CYP2A7: variants seen among roughly 807,000 people sequenced by gnomAD.
CYP2A7 encodes cytochrome P450 2A7.
A neutral mutation model predicts 42.0 loss-of-function variants in CYP2A7; 36 were observed. The ratio of observed to expected loss-of-function variants is 0.86; its 90% CI spans 0.66 to 1.13. The LOEUF (loss-of-function observed/expected upper bound fraction) is 1.13, where lower values mean the gene tolerates loss of function less well. Among genes scored for constraint, CYP2A7 ranks in the 50% most tolerant of loss-of-function variants. The pLI, the probability that CYP2A7 is intolerant of heterozygous loss-of-function variation, is 0.00. For missense variants in CYP2A7, 661 were observed against 634.1 expected, an observed-to-expected ratio of 1.04 and a Z score of -0.46; for synonymous variants, 260 against 249.5, an observed-to-expected ratio of 1.04 and a Z score of -0.40.
rs1435725612 is a variant in CYP2A7, at chr19:40,877,093, G to A, written c.1161+97C>T. 3 of 1,378,050 alleles carry A rather than the reference G, an allele frequency of 2.2e-6. 1 individual carries two copies. The highest frequency in any genetic ancestry group is 3.1e-6 in the Non-Finnish European group (3 of 979,944). The allele number at this position is 1,378,050 out of a possible 1,614,324, so 85.4% of individuals were successfully genotyped here. A position where few individuals can be genotyped will look rare whatever the true frequency, so the allele number is the denominator to read the frequency against. ...GTCCTTTTTGACTGATTGAGGGAGT[G>A]GGACAGTGAGTAGAAAGCTTCTAAT... On this transcript the variant is annotated intron_variant, in intron 7 of 8. Transcript: ENST00000301146.
At chr19:40,879,000 A>G in intron 4 of CYP2A7, 64 bp from the exon 5 acceptor site, 1 of 1,543,346 alleles carries the variant, frequency 6.5e-7, no homozygotes, top group South Asian at 1.2e-5. Flanking sequence ...GCTGATGGGA[A>G]TGGGATTTGT....
At chr19:40,879,124 A>T (rs1967601678) in intron 4 of CYP2A7, among the ~76,000 whole-genome samples, 188 bp from the exon 5 acceptor site, 1 of 151,938 alleles carries the variant, frequency 6.6e-6, no homozygotes, top group African/African-American at 2.4e-5. Flanking sequence ...TACCAGGGCC[A>T]CGGTCTAGTA....
rs368214531 is a variant in CYP2A7, at chr19:40,876,528, G to A, written c.1302C>T (p.Ile434=). The change falls in exon 8 of 9, where the codon ATC becomes ATT. Residue 434 remains isoleucine (I), a splice_region_variant and synonymous_variant. Coordinates refer to ENST00000301146, the MANE Select transcript of CYP2A7 (RefSeq NM_000764.3). The stretch of plus-strand genomic sequence containing the variant: ...TGGCAGCAAACAGTGGTCTCTTACC[G>A]ATGGAAAAGGGCACAAAAGCATCAC... The part of the protein sequence containing the change: ...KKSDAFVPFS[I]GKRNCFGEGL... 18 of 1,612,770 alleles carry A rather than the reference G, an allele frequency of 1.1e-5. 1 individual carries two copies. The highest frequency in any genetic ancestry group is 2.2e-5 in the South Asian group (2 of 91,012).
In CYP2A7 at chr19:40,876,642, G is replaced by C; in HGVS notation, c.1188C>G (p.Gly396=). ...PKGTEVFPML[G]SVLRDPSFFS... is the part of the protein sequence containing the mutation. ...AGAAGCTGGGGTCTCTCAGCACGGA[G>C]CCCAGCATAGGGAACACTTCGGTGC... The change falls in exon 8 of 9, where the codon GGC becomes GGG. Residue 396 remains glycine (G), a synonymous_variant. Transcript: ENST00000301146. 6.2e-7 allele frequency: 1 copy of C among 1,612,856 alleles called. No individual in the cohort carries two copies. The highest frequency in any genetic ancestry group is 2.2e-5 in the East Asian group (1 of 44,872).
chr19:40,882,026 G>A lies in CYP2A7; in HGVS notation c.180+5C>T, dbSNP rs757202911. ...TGTGCCACCCATCTTCCTGCCTTGG[G>A]ACACCTTCATGATGGAGTCACATAT... On this transcript the variant is annotated splice_donor_5th_base_variant and intron_variant, in intron 1 of 8. Transcript: ENST00000301146. 2.5e-6 allele frequency: 4 copies of A among 1,611,148 alleles called. No homozygotes were observed. The highest frequency in any genetic ancestry group is 1.1e-5 in the South Asian group (1 of 90,722).
Position 40,880,118 on chromosome 19 carries a change from C to A in CYP2A7, c.620G>T (p.Gly207Val). ...EFLSLLSMMLGIFQFTSTSTG... is the reference protein window; with the variant it reads ...EFLSLLSMMLVIFQFTSTSTG... ...GGAGGTTGACGTGAACTGGAAGATTCCTAGCATCATGCTCAGCAGTGACAG... is the reference window on the plus strand; with the variant it reads ...GGAGGTTGACGTGAACTGGAAGATTACTAGCATCATGCTCAGCAGTGACAG... The change falls in exon 4 of 9, where the codon GGA becomes GTA. Residue 207 changes from glycine to valine, a missense_variant. By Grantham distance (109) the Gly-to-Val change is moderately radical. This residue lies in a region of CYP2A7 where 614 missense variants were observed against 552.4 expected (regional missense o/e 1.11). Transcript: ENST00000301146. 1 of 1,612,996 alleles carries A rather than the reference C, an allele frequency of 6.2e-7. No individual in the cohort carries two copies. Among genetic ancestry groups the A allele is most frequent in the African/African-American group, 1.3e-5 (1 of 74,988 alleles).
chr19:40,875,611 T>G lies in CYP2A7; in HGVS notation c.*82A>C, dbSNP rs188144723. 1,366 of 1,602,184 alleles carry G rather than the reference T, an allele frequency of 8.5e-4. 29 individuals carry two copies. Among genetic ancestry groups the G allele is most frequent in the East Asian group, 6.0e-3 (270 of 44,810 alleles). ...TTCCCGCATCTTCCCCCCATTCTTATACCCGCCTCTTCCGCGAACCCCGCC... is the reference window on the plus strand; with the variant it reads ...TTCCCGCATCTTCCCCCCATTCTTAGACCCGCCTCTTCCGCGAACCCCGCC... On this transcript the variant is annotated 3_prime_UTR_variant, in exon 9 of 9. Transcript: ENST00000301146.
In CYP2A7 at chr19:40,880,488, TC is replaced by T; in HGVS notation, c.483del (p.Ser162AlafsTer13). On this transcript the variant is annotated frameshift_variant, in exon 3 of 9. Coordinates refer to ENST00000301146, the MANE Select transcript of CYP2A7 (RefSeq NM_000764.3). LOFTEE classifies it high-confidence loss of function. ...EESGFLIEAI[R>X]STHGANIDPT... ...GGGGAACCTTACTCACCGTGCGTGCTCCGGATGGCCTCGATGAGGAAGCCCG... is the reference window on the plus strand; with the variant it reads ...GGGGAACCTTACTCACCGTGCGTGCTCGGATGGCCTCGATGAGGAAGCCCG... The T allele has an allele frequency of 3.7e-6, 6 of 1,612,562 alleles. No homozygotes were observed. The highest frequency in any genetic ancestry group is 5.1e-6 in the Non-Finnish European group (6 of 1,179,000).
Position 40,877,997 on chromosome 19 carries a change from C to T in CYP2A7, c.832-4G>A. 1 of 1,609,952 alleles carries T rather than the reference C, an allele frequency of 6.2e-7. No homozygotes were observed. Among genetic ancestry groups the T allele is most frequent in the Non-Finnish European group, 8.5e-7 (1 of 1,177,972 alleles). Reference sequence around the variant, plus strand: ...CCGTGTTGGGGTTCTTCTCCTCCTGCAGGGAGAGGGGGCTTTAGGCCAACC... The same window carrying T: ...CCGTGTTGGGGTTCTTCTCCTCCTGTAGGGAGAGGGGGCTTTAGGCCAACC... On this transcript the variant is annotated splice_polypyrimidine_tract_variant and splice_region_variant and intron_variant, in intron 5 of 8. Coordinates refer to ENST00000301146, the MANE Select transcript of CYP2A7 (RefSeq NM_000764.3).
rs761141869 is a variant in CYP2A7 at position 40,877,390 on chromosome 19, G to A, written c.974-13C>T. On this transcript the variant is annotated splice_polypyrimidine_tract_variant and intron_variant, in intron 6 of 8. Transcript: ENST00000301146. ...TCATGGACCTTGGCTGGGGGAGGAG[G>A]GGGAATGTGTTTAGGTATCTGGGAG... 1 of 1,610,706 alleles carries A rather than the reference G, an allele frequency of 6.2e-7. No homozygotes were observed. Among genetic ancestry groups the A allele is most frequent in the East Asian group, 2.2e-5 (1 of 44,842 alleles).
At chr19:40,880,010 G>A in intron 4 of CYP2A7, 74 bp downstream of exon 4, 1 of 1,584,338 alleles carries the variant, frequency 6.3e-7, no homozygotes, top group Non-Finnish European at 8.6e-7. Context: ...GGAGTTTGGG[G>A]CACCTGTCTC....
Position 40,880,483 on chromosome 19 carries a change from C to T in CYP2A7, c.489G>A (p.Thr163=), listed in dbSNP as rs754976917. 63 of 1,612,362 alleles carry T rather than the reference C, an allele frequency of 3.9e-5. No individual in the cohort carries two copies. In the South Asian group the frequency reaches 6.3e-4, roughly 16 times the overall value. Residue 163 remains threonine, a synonymous_variant, in exon 3 of 9, where the codon ACG becomes ACA. Coordinates refer to ENST00000301146, the MANE Select transcript of CYP2A7 (RefSeq NM_000764.3). ...CACTCGGGGAACCTTACTCACCGTG[C>T]GTGCTCCGGATGGCCTCGATGAGGA... ...SGFLIEAIRS[T]HGANIDPTFF...
intron 3 of CYP2A7, 102 bp from the exon 4 acceptor site, chr19:40,880,346 A>G (rs1967627478): frequency 3.9e-6 from 6 of 1,544,438 alleles, no homozygotes; most frequent in South Asian, 3.7e-5. Context: ...CCAAATTCCC[A>G]GCGCCAGACT....
chr19:40,877,639 G>A (rs907340941), intron 6 of CYP2A7, among the ~76,000 whole-genome samples: 1 of 151,478 alleles, frequency 6.6e-6, no homozygotes, highest in Non-Finnish European at 1.5e-5. Flanking sequence ...GTGGGCTTGG[G>A]ACAGAAGTGA....
At chr19:40,881,785 C>A (rs747960942) in intron 1 of CYP2A7, 34 bp from the exon 2 acceptor site, 25 of 1,600,392 alleles carry the variant, frequency 1.6e-5, no homozygotes, top group Middle Eastern at 1.8e-4. Flanking sequence ...TTAGAGGGAG[C>A]AGCCCCCACT....
At position 40,877,220 on chromosome 19, in the gene CYP2A7, G is replaced by C. The variant is rs753205521; in HGVS notation, c.1131C>G (p.Asp377Glu). 3 of 1,612,768 alleles carry C rather than the reference G, an allele frequency of 1.9e-6. No individual in the cohort carries two copies. The highest frequency in any genetic ancestry group is 1.7e-6 in the Non-Finnish European group (2 of 1,179,156). The change falls in exon 7 of 9, where the codon GAC becomes GAG. Residue 377 changes from aspartate (D) to glutamate (E), a missense_variant. Asp to Glu is a conservative substitution (Grantham distance 45). Around this residue, in one of 3 missense-constraint regions of CYP2A7, gnomAD observed 614 missense variants for 552.4 expected, o/e 1.11. Coordinates refer to ENST00000301146, the MANE Select transcript of CYP2A7 (RefSeq NM_000764.3). The part of the protein sequence containing the change: ...PMSLARRVKK[D>E]TKFRDFFLPK... ...GGAGGAAAAAATCCCGAAACTTGGT[G>C]TCCTTTTTAACCCTGCGGGCCAAAC...
rs1317338297 is a variant in CYP2A7 at position 40,880,521 on chromosome 19, C to T, written c.451G>A (p.Glu151Lys). 6.2e-7 allele frequency: 1 copy of T among 1,612,284 alleles called. No individual in the cohort carries two copies. Among genetic ancestry groups the T allele is most frequent in the Admixed American group, 1.7e-5 (1 of 59,822 alleles). ...GCCTCGATGAGGAAGCCCGACTCCTCCTGGATGCGCTCCTCGATGCCTCGC... is the reference window on the plus strand; with the variant it reads ...GCCTCGATGAGGAAGCCCGACTCCTTCTGGATGCGCTCCTCGATGCCTCGC... ...GKRGIEERIQEESGFLIEAIR... is the reference protein window; with the variant it reads ...GKRGIEERIQKESGFLIEAIR... The change falls in exon 3 of 9, where the codon GAG (glutamate) becomes AAG (lysine). Residue 151 changes from glutamate to lysine, a missense_variant. Physicochemically the swap from Glu to Lys is moderately conservative, Grantham distance 56 (BLOSUM62 1). This residue lies in a region of CYP2A7 where 614 missense variants were observed against 552.4 expected (regional missense o/e 1.11). Coordinates refer to ENST00000301146, the MANE Select transcript of CYP2A7 (RefSeq NM_000764.3).
intron 2 of CYP2A7, among the ~76,000 whole-genome samples, chr19:40,881,290 G>A (rs181118127): frequency 6.6e-6 from 1 of 151,554 alleles, no homozygotes; most frequent in African/African-American, 2.4e-5. Context: ...AGAGGACCAG[G>A]GCTGGAAAAC....
Position 40,880,225 on chromosome 19 carries a change from G to C in CYP2A7, c.513C>G (p.Thr171=). The C allele has an allele frequency of 6.2e-7, 1 of 1,612,900 alleles. No individual in the cohort carries two copies. The highest frequency in any genetic ancestry group is 1.3e-5 in the African/African-American group (1 of 74,964). Residue 171 remains threonine (T), a synonymous_variant, in exon 4 of 9, where the codon ACC becomes ACG. Transcript: ENST00000301146. The stretch of plus-strand genomic sequence containing the variant: ...TGGAGACTGTGCGGCTCAGGAAGAA[G>C]GTGGGATCGATATTGGCGCCTGCGG... The part of the protein sequence containing the change: ...RSTHGANIDP[T]FFLSRTVSNV...
Sources: allele counts gnomAD v4.1 joint callset (sites outside exome capture counted in the v4.1 genomes callset), GRCh38; gene constraint gnomAD v4.1.1; regional missense constraint gnomAD v4.1.1; transcripts MANE v1.5; gene names NCBI Gene and HGNC (gene_info 2026-07-23, HGNC 2026-07-21).